The following AGBL4 variants were observed in gnomAD, a reference collection of about 807,000 sequenced individuals.
AGBL4 encodes the protein AGBL carboxypeptidase 4.
Under a neutral mutation model 66.4 loss-of-function variants are expected in AGBL4, and 58 were observed. That is an observed-to-expected ratio of 0.87 (90% CI 0.71 to 1.09). AGBL4 has a LOEUF of 1.09. AGBL4 is among the 50% of genes least tolerant of loss of function. The pLI, the probability that AGBL4 is intolerant of heterozygous loss-of-function variation, is 0.00. For synonymous variants in AGBL4, 234 were observed against 222.9 expected (o/e 1.05, Z -0.44); for missense variants, 579 against 631.0 (o/e 0.92, Z 0.88).
At chr1:49,689,118 T>C (rs1173340732) in intron 3 of AGBL4, among the ~76,000 whole-genome samples, 3 of 152,212 alleles carry the variant, frequency 2.0e-5, no homozygotes, top group Non-Finnish European at 2.9e-5. Context: ...TGCCTATGTT[T>C]GTGGAGTATT....
rs370985924 is a variant in AGBL4 at position 48,628,918 on chromosome 1, T to C, written c.951+5575A>G. On this transcript the variant is annotated intron_variant, in intron 9 of 13. Coordinates refer to ENST00000371839, the MANE Select transcript of AGBL4 (RefSeq NM_032785.4). ...AGCACACCTTCCTAACTGCCTGGAA[T>C]TAAAATTTCATAAGGGTCTGGCCTT... Among the ~76,000 whole-genome samples, 36 of 145,350 alleles carry C rather than the reference T, an allele frequency of 2.5e-4. No individual in the cohort carries two copies. The East Asian group carries it at 3.3e-3, about 13-fold the overall frequency.
At chr1:49,161,763 G>A (rs1000136430) in intron 4 of AGBL4, among the ~76,000 whole-genome samples, 22 of 152,204 alleles carry the variant, frequency 1.4e-4, no homozygotes, top group Admixed American at 6.5e-4. Context: ...TCACACTGAA[G>A]TCTGTCCACG....
intron 6 of AGBL4, among the ~76,000 whole-genome samples, chr1:48,756,609 A>C (rs1201849034): frequency 6.6e-6 from 1 of 152,210 alleles, no homozygotes; most frequent in East Asian, 1.9e-4. Context: ...GAAGTAGGGA[A>C]GTTGGGATTT....
At chr1:48,905,044 C>T (rs537818741) in intron 5 of AGBL4, among the ~76,000 whole-genome samples, 1 of 152,290 alleles carries the variant, frequency 6.6e-6, no homozygotes, top group Admixed American at 6.5e-5. Context: ...TAATTAGATC[C>T]TTCAATCTAC....
chr1:49,740,692 C>A (rs1046866655), intron 2 of AGBL4, among the ~76,000 whole-genome samples: 1 of 151,966 alleles, frequency 6.6e-6, no homozygotes, highest in African/African-American at 2.4e-5. Flanking sequence ...GAAATTATAA[C>A]AAACTGTCTC....
intron 1 of AGBL4, among the ~76,000 whole-genome samples, chr1:50,015,569 A>G (rs1297643052): frequency 6.6e-6 from 1 of 152,182 alleles, no homozygotes; most frequent in Non-Finnish European, 1.5e-5. Context: ...AGATGAGACC[A>G]TCACTTGAGC....
At chr1:48,905,639 G>T (rs576974637) in intron 5 of AGBL4, among the ~76,000 whole-genome samples, 1 of 152,190 alleles carries the variant, frequency 6.6e-6, no homozygotes, top group South Asian at 2.1e-4. Context: ...TTTTACAGAT[G>T]GGAAAACTAA....
chr1:49,669,957 C>T (rs1432541857), intron 3 of AGBL4, among the ~76,000 whole-genome samples: 1 of 151,616 alleles, frequency 6.6e-6, no homozygotes, highest in Non-Finnish European at 1.5e-5. Flanking sequence ...CTCTAAAATA[C>T]ATGAAAACAT....
intron 5 of AGBL4, among the ~76,000 whole-genome samples, chr1:48,899,006 G>T (rs1177167822): frequency 6.6e-6 from 1 of 152,214 alleles, no homozygotes; most frequent in African/African-American, 2.4e-5. Flanking sequence ...TGATTGCGCT[G>T]CTTCCTCCAG....
At chr1:49,185,026 C>A (rs111732239) in intron 4 of AGBL4, among the ~76,000 whole-genome samples, 1 of 152,142 alleles carries the variant, frequency 6.6e-6, no homozygotes, top group Non-Finnish European at 1.5e-5. Context: ...CCACAATAAT[C>A]GTTGGCATTA....
intron 4 of AGBL4, among the ~76,000 whole-genome samples, chr1:49,198,855 T>C (rs1410293002): frequency 2.6e-5 from 4 of 152,214 alleles, no homozygotes. Flanking sequence ...TCTCCTATTA[T>C]ATTTGGCCCG....
In AGBL4 at chr1:48,933,573, C is replaced by T. The variant is rs113245674; in HGVS notation, c.595-66343G>A. Among the ~76,000 whole-genome samples, 1,092 of 152,300 alleles carry T rather than the reference C, an allele frequency of 7.2e-3. 19 individuals carry two copies. The highest frequency in any genetic ancestry group is 0.024 in the African/African-American group (1,009 of 41,562). ...ATGTCTTCTTGAGTCCAAATAACCC[C>T]ATTCCTACAACTAGCTCTATATCCT... On this transcript the variant is annotated intron_variant, in intron 5 of 13. Transcript: ENST00000371839.
chr1:48,943,757 GT>G (rs937727898), intron 5 of AGBL4, among the ~76,000 whole-genome samples: 6 of 138,280 alleles, frequency 4.3e-5, no homozygotes, highest in Non-Finnish European at 7.6e-5. Flanking sequence ...CTGGGTGGTT[GT>G]TTGTTGTTGT....
rs1450774810 is a variant in AGBL4 at position 48,534,308 on chromosome 1, A to G, written c.1392-15T>C. On this transcript the variant is annotated splice_polypyrimidine_tract_variant and intron_variant, in intron 13 of 13. Transcript: ENST00000371839. ...ATTTTTCTTTCCTGCAAAGGGGGAG[A>G]TAACAGAAAGAGAGAAGACAGCCCA... The G allele has an allele frequency of 6.5e-7, 1 of 1,547,098 alleles. No individual in the cohort carries two copies. The highest frequency in any genetic ancestry group is 1.2e-5 in the South Asian group (1 of 83,572).
In AGBL4 at chr1:48,773,249, TA is replaced by T. The variant is rs559147352; in HGVS notation, c.634+93941del. ...CACAGAGAAACCAGTTTGAGCCTCC[TA>T]AAAAAAAAATAAAATTCAACACTAT... On this transcript the variant is annotated intron_variant, in intron 6 of 13. Transcript: ENST00000371839. Among the ~76,000 whole-genome samples, 1,352 of 148,536 alleles carry T rather than the reference TA, an allele frequency of 9.1e-3. 26 individuals carry two copies. The highest frequency in any genetic ancestry group is 0.031 in the African/African-American group (1,269 of 40,570).
intron 3 of AGBL4, among the ~76,000 whole-genome samples, chr1:49,532,170 C>G (rs928012221): frequency 1.3e-5 from 2 of 152,238 alleles, no homozygotes; most frequent in Middle Eastern, 3.4e-3. Context: ...TGAAAGCAAA[C>G]TAGACTGTCA....
At chr1:48,972,626 C>T (rs778891127) in intron 5 of AGBL4, among the ~76,000 whole-genome samples, 7 of 152,128 alleles carry the variant, frequency 4.6e-5, no homozygotes, top group Non-Finnish European at 7.3e-5. Context: ...CTACTTTGAA[C>T]CTCTATCTTA....
At chr1:48,865,918 T>C (rs954782902) in intron 6 of AGBL4, among the ~76,000 whole-genome samples, 3 of 152,170 alleles carry the variant, frequency 2.0e-5, no homozygotes, top group Non-Finnish European at 2.9e-5. Flanking sequence ...GCCACTCTAG[T>C]CATGTCAGCC....
rs182216111 is a variant in AGBL4, at chr1:49,580,675, C to T, written c.282+116638G>A. Among the ~76,000 whole-genome samples the T allele has an allele frequency of 1.7e-3, 265 of 152,192 alleles. 1 individual carries two copies. Among genetic ancestry groups the T allele is most frequent in the Middle Eastern group, 3.4e-3 (1 of 292 alleles). On this transcript the variant is annotated intron_variant, in intron 3 of 13. Transcript: ENST00000371839. ...CTCTTGCTGGATATAGAATTCTTTACTGACAGTTTTTTTCTTTCAGTACTT... is the reference window on the plus strand; with the variant it reads ...CTCTTGCTGGATATAGAATTCTTTATTGACAGTTTTTTTCTTTCAGTACTT...
Sources: gnomAD v4.1 joint callset for allele counts (sites outside exome capture counted in the v4.1 genomes callset) on GRCh38, gnomAD v4.1.1 for gene constraint, MANE v1.5 for transcripts, NCBI Gene and HGNC (gene_info 2026-07-23, HGNC 2026-07-21) for gene names.